The following SEC16A variants were observed in gnomAD, a reference collection of about 807,000 sequenced individuals.
SEC16A encodes the protein SEC16 homolog A, endoplasmic reticulum export factor, also known as protein transport protein Sec16A.
SEC16A carries 110 observed loss-of-function variants against 221.9 expected under a neutral mutation model. The observed-to-expected ratio is 0.50, with a 90% CI of 0.42 to 0.58. The LOEUF is 0.58. Among genes scored for constraint, SEC16A ranks in the 20% least tolerant of loss-of-function variants. SEC16A has a pLI of 0.00. For synonymous variants in SEC16A, 1,393 were observed against 1,257.7 expected (o/e 1.11, Z -2.28); for missense variants, 3,165 against 3,097.8 (o/e 1.02, Z -0.52).
intron 23 of SEC16A, among the ~76,000 whole-genome samples, chr9:136,450,373 C>A (rs1837619285): frequency 6.6e-6 from 1 of 151,884 alleles, no homozygotes; most frequent in South Asian, 2.1e-4. Flanking sequence ...GAAAGGAAAG[C>A]CAGGTGTGGT....
At position 136,454,175 on chromosome 9, in the gene SEC16A, G is replaced by T; in HGVS notation, c.6010C>A (p.Pro2004Thr). The T allele has an allele frequency of 6.4e-7, 1 of 1,558,638 alleles. No individual in the cohort carries two copies. ...TCCTGCAGAGGTGGCACACCAGGTG[G>T]GAGGCCAGGCCCGGAGGGCTCCAGG... is the stretch of plus-strand genomic sequence containing the variant. ...GFLEPSGPGL[P>T]PGVPPLQERR... The change falls in exon 21 of 32, where the codon CCA (proline) becomes ACA (threonine). Residue 2004 changes from proline (P) to threonine (T), a missense_variant. By Grantham distance (38) the Pro-to-Thr change is conservative. Coordinates refer to ENST00000684901, the MANE Select transcript of SEC16A (RefSeq NM_014866.2).
Position 136,476,925 on chromosome 9 carries a change from G to C in SEC16A, c.691C>G (p.Pro231Ala). 6.2e-7 allele frequency: 1 copy of C among 1,612,024 alleles called. No homozygotes were observed. Among genetic ancestry groups the C allele is most frequent in the Non-Finnish European group, 8.5e-7 (1 of 1,179,556 alleles). ...CTGGGAACAGGTCCTTCAGGGCAGG[G>C]TGAACGATGTTGCCCCGAGGGCTGT... Reference protein sequence around the residue: ...GPQPSGQHRSPCPEGPVPSGV... With the variant: ...GPQPSGQHRSACPEGPVPSGV... The change falls in exon 3 of 32, where the codon CCC (proline) becomes GCC (alanine). Residue 231 changes from proline (P) to alanine (A), a missense_variant. Physicochemically the swap from Pro to Ala is conservative, Grantham distance 27. Coordinates refer to ENST00000684901, the MANE Select transcript of SEC16A (RefSeq NM_014866.2).
At chr9:136,461,923 T>A (rs1335370178) in intron 12 of SEC16A, among the ~76,000 whole-genome samples, 1 of 147,290 alleles carries the variant, frequency 6.8e-6, no homozygotes. Context: ...CCTGGCAACA[T>A]GGTGAAACCC....
At chr9:136,482,696 C>T (rs1176484238) in intron 1 of SEC16A, among the ~76,000 whole-genome samples, 1 of 152,214 alleles carries the variant, frequency 6.6e-6, no homozygotes, top group Non-Finnish European at 1.5e-5. Context: ...CCAGCCGGGT[C>T]CACGTCAGTC....
upstream of SEC16A, chr9:136,483,432 G>T: frequency 5.6e-6 from 1 of 179,600 alleles, no homozygotes; most frequent in Non-Finnish European, 6.9e-6. Flanking sequence ...TGTCGTTCCC[G>T]CCCCTTTGGC....
In SEC16A at chr9:136,454,248, G is replaced by A. The variant is rs764065281; in HGVS notation, c.5937C>T (p.Pro1979=). Residue 1979 remains proline (P), a synonymous_variant, in exon 21 of 32, where the codon CCC becomes CCT. Coordinates refer to ENST00000684901, the MANE Select transcript of SEC16A (RefSeq NM_014866.2). ...TCACACAGCCAGGACCCGGCTCCAG[G>A]GGCCCCGGGGGCAGTGGCACTGGGA... ...PMFPVPLPPG[P]LEPGPGCVTP... The A allele has an allele frequency of 2.0e-5, 32 of 1,577,614 alleles. No homozygotes were observed. Among genetic ancestry groups the A allele is most frequent in the Non-Finnish European group, 2.6e-5 (30 of 1,162,214 alleles).
At chr9:136,483,707 G>C (rs1842701288), upstream of SEC16A, 5 of 985,554 alleles carry the variant, frequency 5.1e-6, no homozygotes, top group Non-Finnish European at 6.0e-6. Flanking sequence ...ACCGAGAACG[G>C]CTACTCCGCC....
rs776436163 is a variant in SEC16A at position 136,462,995 on chromosome 9, A to G, written c.4785T>C (p.Ser1595=). Residue 1595 remains serine (S), a synonymous_variant, in exon 12 of 32, where the codon TCT becomes TCC. Coordinates refer to ENST00000684901, the MANE Select transcript of SEC16A (RefSeq NM_014866.2). ...TGAGGAAAGAGAGCTGGGCCTCACC[A>G]GACTCCTCCTCTTCCACCTGCTCCA... ...EAVEQVEEEE[S]GEAQLSFLTG... The G allele has an allele frequency of 1.7e-5, 27 of 1,610,722 alleles. No individual in the cohort carries two copies. In the East Asian group the frequency reaches 5.8e-4, roughly 35 times the overall value.
chr9:136,447,239 C>G lies in SEC16A; in HGVS notation c.6685G>C (p.Val2229Leu), dbSNP rs531904062. Residue 2229 changes from valine (V) to leucine (L), a missense_variant, in exon 27 of 32, where the codon GTG (valine) becomes CTG (leucine). Transcript: ENST00000684901. The surrounding 1 kb of genome is among the most constrained non-coding windows in gnomAD (Gnocchi z 5.5). ...TCGTGCTACCTACCTGGGGTTGGCA[C>G]GAACAAGTTAGAAGGAATTGGGAGT... ...APLPIPSNLF[V>L]PTPDAEEPQL... The G allele has an allele frequency of 1.9e-6, 3 of 1,594,942 alleles. No homozygotes were observed. The highest frequency in any genetic ancestry group is 1.1e-5 in the South Asian group (1 of 87,744).
chr9:136,479,622 G>C (rs1451701587), intron 1 of SEC16A, among the ~76,000 whole-genome samples: 1 of 152,132 alleles, frequency 6.6e-6, no homozygotes, highest in African/African-American at 2.4e-5. Context: ...AAAGTGCTGG[G>C]ATTACAGGCG....
At position 136,455,805 on chromosome 9, in the gene SEC16A, C is replaced by T; in HGVS notation, c.5665-12G>A. ...ACTCCAGCCCCCTCCTGAGGGAGAA[C>T]AAGACCTGCCCTGTGGAAGCCGCCT... On this transcript the variant is annotated splice_polypyrimidine_tract_variant and intron_variant, in intron 19 of 31. Transcript: ENST00000684901. The T allele has an allele frequency of 6.3e-7, 1 of 1,585,720 alleles. No homozygotes were observed. The highest frequency in any genetic ancestry group is 1.3e-5 in the African/African-American group (1 of 74,310).
chr9:136,483,390 CCG>C, upstream of SEC16A: 1 of 698,360 alleles, frequency 1.4e-6, no homozygotes, highest in Non-Finnish European at 1.8e-6. Flanking sequence ...CCCCTTAGCC[CCG>C]CCCGTCGTCC....
rs866059093 is a variant in SEC16A at position 136,466,763 on chromosome 9, C to T, written c.3929+194G>A. Among the ~76,000 whole-genome samples, 6 of 152,244 alleles carry T rather than the reference C, an allele frequency of 3.9e-5. No homozygotes were observed. The highest frequency in any genetic ancestry group is 6.5e-5 in the Admixed American group (1 of 15,284). ...AACAGTCCTCTTGCTGAGGCCAGTT[C>T]TCCTCTAACAGTCCAAGCTGGGAAC... On this transcript the variant is annotated intron_variant, in intron 6 of 31. Transcript: ENST00000684901. The surrounding 1 kb of genome is among the most constrained non-coding windows in gnomAD (Gnocchi z 5.5).
intron 19 of SEC16A, 61 bp from the exon 20 acceptor site, chr9:136,455,854 G>A (rs1011498935): frequency 1.6e-5 from 24 of 1,467,968 alleles, no homozygotes; most frequent in East Asian, 7.4e-5. Context: ...AGCGCTGCCC[G>A]CCTGCCACCA....
Position 136,475,756 on chromosome 9 carries a change from C to G in SEC16A, c.1860G>C (p.Gly620=), listed in dbSNP as rs760530907. The G allele has an allele frequency of 1.2e-6, 2 of 1,605,128 alleles. No homozygotes were observed. The highest frequency in any genetic ancestry group is 3.4e-5 in the Admixed American group (2 of 58,228). Residue 620 remains glycine, a synonymous_variant, in exon 3 of 32, where the codon GGG becomes GGC. Transcript: ENST00000684901. The surrounding 1 kb of genome is among the most constrained non-coding windows in gnomAD (Gnocchi z 5.0). ...CGCGATCTGCCTCAAATGGTTTTAC[C>G]CCAACTAAGTGAGATTTTACCGGTT... ...SFEPVKSHLV[G]VKPFEADRAN... is the part of the protein sequence containing the mutation.
rs776346459 is a variant in SEC16A, at chr9:136,477,661, G to A, written c.-46C>T. On this transcript the variant is annotated 5_prime_UTR_variant, in exon 3 of 32. Transcript: ENST00000684901. ...CGATGCTGCTTACAGAAGGAAGCAG[G>A]ATATAGCTGTTCCTTAATTGGAGCT... is the stretch of plus-strand genomic sequence containing the variant. 1.4e-5 allele frequency: 21 copies of A among 1,516,348 alleles called. No homozygotes were observed. The highest frequency in any genetic ancestry group is 1.4e-5 in the African/African-American group (1 of 71,582). 93.9% of individuals were successfully genotyped at this position (1,516,348 alleles called of 1,614,324 possible).
chr9:136,447,908 A>G lies in SEC16A; in HGVS notation c.6392T>C (p.Ile2131Thr). 1 of 1,606,646 alleles carries G rather than the reference A, an allele frequency of 6.2e-7. No homozygotes were observed. Among genetic ancestry groups the G allele is most frequent in the Non-Finnish European group, 8.5e-7 (1 of 1,176,036 alleles). Residue 2131 changes from isoleucine (I) to threonine (T), a missense_variant and splice_region_variant, in exon 25 of 32, where the codon ATT (isoleucine) becomes ACT (threonine). This residue lies in a region of SEC16A where 1,088 missense variants were observed against 1,089.6 expected (regional missense o/e 1.00). Transcript: ENST00000684901. This position sits in a 1 kb window ranked among gnomAD's most constrained non-coding sequence, Gnocchi z 5.5. ...AYLPDDKNKS[I>T]VWDEKKNQWV... ...CTGGTTTTTCTTTTCATCCCAAACAATCTGCCAAGATTTTAAAAAGAAAAA... is the reference window on the plus strand; with the variant it reads ...CTGGTTTTTCTTTTCATCCCAAACAGTCTGCCAAGATTTTAAAAAGAAAAA...
In SEC16A at chr9:136,476,429, C is replaced by T; in HGVS notation, c.1187G>A (p.Gly396Asp). The change falls in exon 3 of 32, where the codon GGT becomes GAT. Residue 396 changes from glycine to aspartate, a missense_variant. Transcript: ENST00000684901. ...GCAGAAATCGTCAAAGTCCGCTTGA[C>T]CAGATAAGCCTGCTTTTTCAGATGA... ...NLSSEKAGLS[G>D]QADFDDFCSS... The T allele has an allele frequency of 6.2e-7, 1 of 1,613,086 alleles. No individual in the cohort carries two copies. Among genetic ancestry groups the T allele is most frequent in the Non-Finnish European group, 8.5e-7 (1 of 1,179,858 alleles).
At position 136,459,700 on chromosome 9, in the gene SEC16A, C is replaced by A; in HGVS notation, c.5191+57G>T. 6.9e-7 allele frequency: 1 copy of A among 1,459,836 alleles called. No homozygotes were observed. Among genetic ancestry groups the A allele is most frequent in the Non-Finnish European group, 9.4e-7 (1 of 1,064,588 alleles). The allele number at this position is 1,459,836 out of a possible 1,614,324, so 90.4% of individuals were successfully genotyped here. A position where few individuals can be genotyped will look rare whatever the true frequency, so the allele number is the denominator to read the frequency against. ...TGATTTCTGCCAACGCCACAGACAA[C>A]CGGGCCTTCGGCGCTCCATCCGCGA... On this transcript the variant is annotated intron_variant, in intron 15 of 31. Coordinates refer to ENST00000684901, the MANE Select transcript of SEC16A (RefSeq NM_014866.2). This position sits in a 1 kb window ranked among gnomAD's most constrained non-coding sequence, Gnocchi z 6.1.
Sources: gnomAD v4.1 joint callset for allele counts (sites outside exome capture counted in the v4.1 genomes callset) on GRCh38, gnomAD v4.1.1 for gene constraint, gnomAD v4.1.1 regional missense constraint, Gnocchi (gnomAD v3.1) non-coding constraint, MANE v1.5 for transcripts, NCBI Gene and HGNC (gene_info 2026-07-23, HGNC 2026-07-21) for gene names.